Variants in ADAMTS17 observed in about 807,000 individuals in gnomAD.
ADAMTS17 encodes A disintegrin and metalloproteinase with thrombospondin motifs 17.
ADAMTS17 carries 113 observed loss-of-function variants against 141.5 expected under a neutral mutation model. The observed-to-expected ratio is 0.80, with a 90% CI of 0.69 to 0.93. The LOEUF (loss-of-function observed/expected upper bound fraction) is 0.93, where lower values mean the gene tolerates loss of function less well. Among genes scored for constraint, ADAMTS17 ranks in the 40% least tolerant of loss-of-function variants. ADAMTS17 has a pLI of 0.00. For synonymous variants in ADAMTS17, 768 were observed against 630.6 expected (o/e 1.22, Z -3.27); for missense variants, 1,659 against 1,517.9 (o/e 1.09, Z -1.54).
At chr15:100,077,283 CAAAAAAAAAAAA>C (rs71151934) in intron 15 of ADAMTS17, among the ~76,000 whole-genome samples, 6 of 54,606 alleles carry the variant, frequency 1.1e-4, no homozygotes, top group African/African-American at 1.2e-4. Flanking sequence ...ATCTCTACCA[CAAAAAAAAAAAA>C]AAAAAAAAAA....
intron 7 of ADAMTS17, among the ~76,000 whole-genome samples, chr15:100,245,024 T>C (rs919507219): frequency 2.0e-5 from 3 of 152,144 alleles, no homozygotes; most frequent in Non-Finnish European, 2.9e-5. Flanking sequence ...AGAGCCGCAC[T>C]GTAAGGCAAT....
rs181623791 is a variant in ADAMTS17 at position 100,174,417 on chromosome 15, C to T, written c.1182-19097G>A. Among the ~76,000 whole-genome samples, 37 of 150,452 alleles carry T rather than the reference C, an allele frequency of 2.5e-4. 1 individual carries two copies. The highest frequency in any genetic ancestry group is 8.3e-4 in the African/African-American group (33 of 39,834). On this transcript the variant is annotated intron_variant, in intron 8 of 21. Coordinates refer to ENST00000268070, the MANE Select transcript of ADAMTS17 (RefSeq NM_139057.4). Reference sequence around the variant, plus strand: ...CTAGGTTACTAAACCCTAGTTTGTGCGACTCTGTACCAAGTATCCTGGGTA... The same window carrying T: ...CTAGGTTACTAAACCCTAGTTTGTGTGACTCTGTACCAAGTATCCTGGGTA...
chr15:100,246,342 T>G (rs951430467), intron 7 of ADAMTS17, among the ~76,000 whole-genome samples: 2 of 152,148 alleles, frequency 1.3e-5, no homozygotes, highest in Non-Finnish European at 2.9e-5. Context: ...ATGATGAAAA[T>G]GAACCTTGCC....
intron 7 of ADAMTS17, among the ~76,000 whole-genome samples, chr15:100,245,263 G>GC (rs2042952963): frequency 6.6e-6 from 1 of 152,212 alleles, no homozygotes; most frequent in East Asian, 1.9e-4. Flanking sequence ...GCAGGCAGGG[G>GC]CCTGGGAAAA....
In ADAMTS17 at chr15:100,206,097, C is replaced by T. The variant is rs990587545; in HGVS notation, c.1076-6674G>A. Among the ~76,000 whole-genome samples the T allele has an allele frequency of 1.2e-4, 19 of 152,322 alleles. 1 individual carries two copies. Among genetic ancestry groups the T allele is most frequent in the Admixed American group, 5.2e-4 (8 of 15,306 alleles). The stretch of plus-strand genomic sequence containing the variant: ...ACTTTCCCAGACCATGGGTGGCTCC[C>T]TGTGTGGGGAGCAACGGCGGGCGGC... On this transcript the variant is annotated intron_variant, in intron 7 of 21. Coordinates refer to ENST00000268070, the MANE Select transcript of ADAMTS17 (RefSeq NM_139057.4).
intron 15 of ADAMTS17, among the ~76,000 whole-genome samples, chr15:100,064,418 C>A (rs1482365856): frequency 6.6e-6 from 1 of 152,164 alleles, no homozygotes; most frequent in Non-Finnish European, 1.5e-5. Context: ...AAGAATATAG[C>A]CTGGTATTCT....
chr15:100,176,372 T>TA (rs754859489), intron 8 of ADAMTS17, among the ~76,000 whole-genome samples: 33 of 151,290 alleles, frequency 2.2e-4, no homozygotes, highest in East Asian at 1.9e-3. Context: ...CCTAAGGAGT[T>TA]AAAAAAAAAT....
At chr15:100,096,899 G>A (rs1219003747) in intron 14 of ADAMTS17, among the ~76,000 whole-genome samples, 1 of 152,220 alleles carries the variant, frequency 6.6e-6, no homozygotes, top group African/African-American at 2.4e-5. Context: ...CCTGCAACTT[G>A]GCTGAAACAA....
At chr15:100,071,539 C>A (rs543583223) in intron 15 of ADAMTS17, among the ~76,000 whole-genome samples, 4 of 149,686 alleles carry the variant, frequency 2.7e-5, no homozygotes, top group Non-Finnish European at 6.0e-5. Context: ...AGAAGCTTAC[C>A]CATCAAAAAG....
chr15:100,241,949 G>T (rs747955667), intron 7 of ADAMTS17, among the ~76,000 whole-genome samples: 6 of 152,120 alleles, frequency 3.9e-5, no homozygotes, highest in Non-Finnish European at 8.8e-5. Flanking sequence ...CCAAAAGATC[G>T]CCCTGACATA....
At chr15:100,077,605 G>T (rs376782203) in intron 15 of ADAMTS17, among the ~76,000 whole-genome samples, 1 of 152,106 alleles carries the variant, frequency 6.6e-6, no homozygotes, top group Admixed American at 6.5e-5. Flanking sequence ...ACTAGGAATA[G>T]AAGGGAGCAT....
At chr15:100,326,685 G>T (rs771104856) in intron 3 of ADAMTS17, among the ~76,000 whole-genome samples, 2 of 152,168 alleles carry the variant, frequency 1.3e-5, no homozygotes, top group African/African-American at 4.8e-5. Flanking sequence ...TGGCACCTAC[G>T]CTCTTTATGG....
intron 10 of ADAMTS17, among the ~76,000 whole-genome samples, chr15:100,137,951 G>T (rs544233125): frequency 6.6e-6 from 1 of 150,974 alleles, no homozygotes. Context: ...ACCAATGCCC[G>T]CCCTTTCATT....
chr15:100,021,373 C>A (rs1440799463), intron 18 of ADAMTS17, among the ~76,000 whole-genome samples: 1 of 152,196 alleles, frequency 6.6e-6, no homozygotes, highest in Non-Finnish European at 1.5e-5. Flanking sequence ...CTAAGTCCCA[C>A]CAAGCCAACC....
chr15:100,087,207 C>T (rs1370727423), intron 15 of ADAMTS17, among the ~76,000 whole-genome samples: 2 of 152,108 alleles, frequency 1.3e-5, no homozygotes, highest in Non-Finnish European at 2.9e-5. Flanking sequence ...ATCTTATAAA[C>T]ACCTCTACAC....
At chr15:99,985,538 A>G (rs2727216) in intron 20 of ADAMTS17, among the ~76,000 whole-genome samples, 16,478 of 152,214 alleles carry the variant, frequency 0.11, 2,764 homozygotes, top group African/African-American at 0.36. Context: ...ATTGTGATGG[A>G]CGTCATGGGC....
intron 18 of ADAMTS17, among the ~76,000 whole-genome samples, chr15:100,010,509 G>A (rs1447132269): frequency 1.3e-5 from 2 of 152,234 alleles, no homozygotes; most frequent in Non-Finnish European, 2.9e-5. Flanking sequence ...CACGTGTGCT[G>A]CGAGCCTATG....
At chr15:99,977,368 A>G (rs867351937) in intron 20 of ADAMTS17, among the ~76,000 whole-genome samples, 1 of 9,632 alleles carries the variant, frequency 1.0e-4, no homozygotes, top group Non-Finnish European at 2.0e-4. Flanking sequence ...ATATATATAT[A>G]TATATATATA....
At chr15:99,992,612 G>GC (rs140540924) in intron 20 of ADAMTS17, among the ~76,000 whole-genome samples, 2,363 of 152,252 alleles carry the variant, frequency 0.016, 57 homozygotes, top group African/African-American at 0.054. Context: ...CCACCCCATG[G>GC]CCCCCTGCCC....
Sources: allele counts gnomAD v4.1 joint callset (sites outside exome capture counted in the v4.1 genomes callset), GRCh38; gene constraint gnomAD v4.1.1; transcripts MANE v1.5; gene names NCBI Gene and HGNC (gene_info 2026-07-23, HGNC 2026-07-21).